NCKAP5: variants seen among roughly 807,000 people sequenced by gnomAD.
NCKAP5 encodes NCK associated protein 5.
NCKAP5 carries 92 observed loss-of-function variants against 167.0 expected under a neutral mutation model. The observed-to-expected ratio is 0.55, with a 90% confidence interval of 0.47 to 0.66. The LOEUF is 0.66. NCKAP5 is among the 30% of genes least tolerant of loss of function. The pLI is 0.00. For synonymous variants in NCKAP5, 891 were observed against 877.4 expected (o/e 1.02, Z -0.27); for missense variants, 2,378 against 2,315.0 (o/e 1.03, Z -0.56).
intron 6 of NCKAP5, among the ~76,000 whole-genome samples, chr2:133,050,940 C>T (rs2079581420): frequency 6.6e-6 from 1 of 152,172 alleles, no homozygotes; most frequent in South Asian, 2.1e-4. Context: ...CGACTGAACG[C>T]ATGTGTGAAA....
At chr2:133,587,355 A>G in the NCKAP5 span, among the ~76,000 whole-genome samples, 1 of 152,152 alleles carries the variant, frequency 6.6e-6, no homozygotes, top group African/African-American at 2.4e-5. Context: ...AGGTTGTGTC[A>G]GGTAATAATC....
intron 19 of NCKAP5, among the ~76,000 whole-genome samples, chr2:132,695,915 G>A (rs1687264136): frequency 6.6e-6 from 1 of 152,050 alleles, no homozygotes; most frequent in Non-Finnish European, 1.5e-5. Flanking sequence ...CCTTCTACTA[G>A]CTTTGTTGAT....
chr2:133,567,346 G>T (rs1262498753), intron 1 of NCKAP5, among the ~76,000 whole-genome samples: 1 of 152,148 alleles, frequency 6.6e-6, no homozygotes. Context: ...GTGCAGGTGG[G>T]ATAAGAGGTT....
chr2:133,216,778 G>A (rs1010347567), intron 4 of NCKAP5, among the ~76,000 whole-genome samples: 2 of 151,998 alleles, frequency 1.3e-5, no homozygotes, highest in African/African-American at 4.8e-5. Flanking sequence ...TCAGATACAA[G>A]GAGGCAAAAC....
At chr2:133,012,011 C>G (rs953307313) in intron 6 of NCKAP5, among the ~76,000 whole-genome samples, 1 of 152,132 alleles carries the variant, frequency 6.6e-6, no homozygotes, top group Admixed American at 6.5e-5. Flanking sequence ...CTCTTCATAG[C>G]TGTTTTTATC....
At chr2:133,254,958 A>T (rs567220363) in intron 4 of NCKAP5, among the ~76,000 whole-genome samples, 14 of 152,200 alleles carry the variant, frequency 9.2e-5, no homozygotes, top group Non-Finnish European at 1.5e-4. Context: ...TTCAGTTAGG[A>T]GCCTGGAACT....
chr2:132,882,495 T>C (rs1691841041), intron 8 of NCKAP5, among the ~76,000 whole-genome samples: 1 of 152,216 alleles, frequency 6.6e-6, no homozygotes, highest in Non-Finnish European at 1.5e-5. Flanking sequence ...AATCTTACCA[T>C]GTGTACAAAA....
intron 19 of NCKAP5, among the ~76,000 whole-genome samples, chr2:132,691,545 C>T (rs1465999073): frequency 6.6e-6 from 1 of 152,144 alleles, no homozygotes; most frequent in East Asian, 1.9e-4. Flanking sequence ...CGATTAGTCA[C>T]GTTTCAGTGT....
chr2:133,575,823 TC>T, the NCKAP5 span, among the ~76,000 whole-genome samples: 3 of 152,304 alleles, frequency 2.0e-5, no homozygotes, highest in African/African-American at 7.2e-5. Context: ...GTCCAGCTCA[TC>T]CCTTATTGAC....
At chr2:132,754,913 C>T (rs953901487) in intron 16 of NCKAP5, among the ~76,000 whole-genome samples, 2 of 152,208 alleles carry the variant, frequency 1.3e-5, no homozygotes, top group Non-Finnish European at 2.9e-5. Context: ...AATTCTAGTT[C>T]AGAATCAGAT....
chr2:133,052,842 C>G (rs2079653015), intron 6 of NCKAP5, among the ~76,000 whole-genome samples: 1 of 151,836 alleles, frequency 6.6e-6, no homozygotes, highest in Admixed American at 6.6e-5. Context: ...ATTTGTTCAA[C>G]TAATGTAGAA....
chr2:133,047,631 G>A (rs867284944), intron 6 of NCKAP5, among the ~76,000 whole-genome samples: 1 of 152,126 alleles, frequency 6.6e-6, no homozygotes, highest in South Asian at 2.1e-4. Flanking sequence ...TGATGTAAAT[G>A]CAGTTATAAT....
intron 4 of NCKAP5, among the ~76,000 whole-genome samples, chr2:133,233,784 C>A (rs1331155374): frequency 6.6e-6 from 1 of 152,178 alleles, no homozygotes; most frequent in Admixed American, 6.5e-5. Context: ...CCATACAAAT[C>A]TCTTCTTTTT....
At chr2:132,961,635 T>C (rs2076513710) in intron 8 of NCKAP5, among the ~76,000 whole-genome samples, 1 of 152,198 alleles carries the variant, frequency 6.6e-6, no homozygotes, top group Non-Finnish European at 1.5e-5. Context: ...TAAAGAACTC[T>C]GTGGAAGGAA....
intron 3 of NCKAP5, among the ~76,000 whole-genome samples, chr2:133,493,018 C>A (rs1011550874): frequency 6.6e-6 from 1 of 152,186 alleles, no homozygotes; most frequent in South Asian, 2.1e-4. Flanking sequence ...TCTGCACTGG[C>A]AAACCTGACA....
the NCKAP5 span, among the ~76,000 whole-genome samples, chr2:133,610,512 A>G: frequency 1.3e-5 from 2 of 152,198 alleles, no homozygotes; most frequent in Middle Eastern, 3.2e-3. Flanking sequence ...CATAACAATT[A>G]GTAGCCTAAG....
chr2:133,091,118 T>A (rs11899572), intron 6 of NCKAP5, among the ~76,000 whole-genome samples: 1 of 152,016 alleles, frequency 6.6e-6, no homozygotes, highest in Non-Finnish European at 1.5e-5. Context: ...CTTCCCCTTC[T>A]GCCATGATTG....
Position 132,773,623 on chromosome 2 carries a change from C to G in NCKAP5, c.5128+193G>C, listed in dbSNP as rs529579350. ...CATTCTTTTGGAAATACCTGTTTTC[C>G]TCATAGGTGCTGCTTTGACCCACTT... On this transcript the variant is annotated intron_variant, in intron 16 of 19. Transcript: ENST00000409261. Among the ~76,000 whole-genome samples, 229 of 152,252 alleles carry G rather than the reference C, an allele frequency of 1.5e-3. 1 individual carries two copies. The highest frequency in any genetic ancestry group is 5.1e-3 in the African/African-American group (214 of 41,556).
intron 3 of NCKAP5, among the ~76,000 whole-genome samples, chr2:133,408,460 C>G (rs140234487): frequency 6.6e-6 from 1 of 152,136 alleles, no homozygotes; most frequent in African/African-American, 2.4e-5. Context: ...CCAAGACCTA[C>G]CCCCTCTACA....
Sources: allele counts gnomAD v4.1 joint callset (sites outside exome capture counted in the v4.1 genomes callset), GRCh38; gene constraint gnomAD v4.1.1; transcripts MANE v1.5; gene names NCBI Gene and HGNC (gene_info 2026-07-23, HGNC 2026-07-21).